Variants in TAB1 observed in about 807,000 individuals in gnomAD.
TAB1 encodes the protein TGF-beta activated kinase 1 (MAP3K7) binding protein 1.
TAB1 carries 30 observed loss-of-function variants against 54.5 expected under a neutral mutation model. The observed-to-expected ratio is 0.55, with a 90% CI of 0.41 to 0.75. The LOEUF (loss-of-function observed/expected upper bound fraction) is 0.75, where lower values mean the gene tolerates loss of function less well. TAB1 is among the 30% of genes least tolerant of loss of function. TAB1 has a pLI of 0.00. For missense variants in TAB1, 609 were observed against 683.2 expected (o/e 0.89, Z 1.21); for synonymous variants, 289 against 286.9 (o/e 1.01, Z -0.07).
downstream of TAB1, chr22:39,436,586 C>A (rs1196741484): frequency 6.3e-7 from 1 of 1,596,498 alleles, no homozygotes; most frequent in Non-Finnish European, 8.6e-7. Flanking sequence ...GAAGCGCCTA[C>A]ACCAAGGGGC....
chr22:39,425,605 A>G (rs1927290165), intron 8 of TAB1, among the ~76,000 whole-genome samples: 1 of 150,088 alleles, frequency 6.7e-6, no homozygotes, highest in South Asian at 2.1e-4. Context: ...CCCAGGCTGG[A>G]GTGCAGTGGC....
intron 8 of TAB1, among the ~76,000 whole-genome samples, chr22:39,423,766 A>G (rs539972153): frequency 1.3e-5 from 2 of 151,604 alleles, no homozygotes; most frequent in African/African-American, 2.4e-5. Context: ...AGTAGTGTAC[A>G]TTGTAAGTAA....
intron 3 of TAB1, 26 bp from the exon 4 acceptor site, chr22:39,416,765 C>T (rs545312200): frequency 6.2e-7 from 1 of 1,611,468 alleles, no homozygotes; most frequent in South Asian, 1.1e-5. Flanking sequence ...TTGAACCAGC[C>T]TTTGCCCTGT....
At chr22:39,426,329 G>A (rs780532662) in intron 8 of TAB1, among the ~76,000 whole-genome samples, 2 of 152,208 alleles carry the variant, frequency 1.3e-5, no homozygotes, top group Non-Finnish European at 2.9e-5. Context: ...CCTACAACAA[G>A]TTTGTTCCAG....
At chr22:39,423,532 G>A (rs1410381605) in intron 8 of TAB1, among the ~76,000 whole-genome samples, 1 of 152,190 alleles carries the variant, frequency 6.6e-6, no homozygotes, top group Admixed American at 6.5e-5. Context: ...TTGAACCCGG[G>A]AGGTGGAGGT....
chr22:39,403,254 A>G lies in TAB1; in HGVS notation c.33+3419A>G, dbSNP rs545036369. Among the ~76,000 whole-genome samples, 10 of 152,374 alleles carry G rather than the reference A, an allele frequency of 6.6e-5. No individual in the cohort carries two copies. In the South Asian group the frequency reaches 2.1e-3, roughly 32 times the overall value. On this transcript the variant is annotated intron_variant, in intron 1 of 10. Transcript: ENST00000216160. The stretch of plus-strand genomic sequence containing the variant: ...TCATCTGTGATTTTGTAATATCCAA[A>G]CTACAGCATCAGGTGGTGCTATGAG...
intron 6 of TAB1, 86 bp downstream of exon 6, chr22:39,418,931 T>A: frequency 9.1e-7 from 1 of 1,096,818 alleles, no homozygotes. Context: ...AGGCGTGTGG[T>A]AGAGGGGCTG....
At chr22:39,402,524 AC>A (rs1926192181) in intron 1 of TAB1, among the ~76,000 whole-genome samples, 1 of 152,128 alleles carries the variant, frequency 6.6e-6, no homozygotes. Flanking sequence ...GCACTGTGGT[AC>A]CTTGAAAGGT....
chr22:39,410,036 G>A (rs1280385492), intron 1 of TAB1, among the ~76,000 whole-genome samples: 1 of 152,172 alleles, frequency 6.6e-6, no homozygotes, highest in Non-Finnish European at 1.5e-5. Context: ...TGTTAAGAGA[G>A]GCATTAATTT....
At chr22:39,435,087 G>C (rs377337009), downstream of TAB1, among the ~76,000 whole-genome samples, 1 of 152,118 alleles carries the variant, frequency 6.6e-6, no homozygotes, top group Non-Finnish European at 1.5e-5. Context: ...CTGAGACTTC[G>C]CTGCAGGATA....
chr22:39,432,658 G>T, downstream of TAB1: 2 of 723,176 alleles, frequency 2.8e-6, no homozygotes, highest in South Asian at 6.3e-5. Context: ...GAGAGAGAGA[G>T]ACATGGTGAG....
At position 39,415,562 on chromosome 22, in the gene TAB1, A is replaced by G; in HGVS notation, c.233A>G (p.Asn78Ser). The G allele has an allele frequency of 1.2e-6, 2 of 1,614,168 alleles. No individual in the cohort carries two copies. Among genetic ancestry groups the G allele is most frequent in the East Asian group, 4.5e-5 (2 of 44,880 alleles). Residue 78 changes from asparagine (N) to serine (S), a missense_variant, in exon 3 of 11, where the codon AAC (asparagine) becomes AGC (serine). Physicochemically the swap from Asn to Ser is conservative, Grantham distance 46. Transcript: ENST00000216160. This position sits in a 1 kb window ranked among gnomAD's most constrained non-coding sequence, Gnocchi z 4.9. ...GGCTATGATGGCAACCGAGTGACCA[A>G]CTTCGTGGCCCAGCGGCTGTCCGCA... ...FNGYDGNRVT[N>S]FVAQRLSAEL... is the part of the protein sequence containing the mutation.
downstream of TAB1, chr22:39,432,769 G>A (rs540876818): frequency 2.6e-4 from 257 of 985,768 alleles, 1 homozygote; most frequent in African/African-American, 2.5e-3. Flanking sequence ...TGCCCTAAGC[G>A]TGTGGGGCCG....
intron 10 of TAB1, chr22:39,429,770 C>T (rs898529682): frequency 2.1e-6 from 2 of 971,818 alleles, no homozygotes; most frequent in African/African-American, 3.5e-5. Context: ...GCATGAGCCA[C>T]CGCGCCCAGC....
At chr22:39,416,253 G>C (rs1171224890) in intron 3 of TAB1, among the ~76,000 whole-genome samples, 2 of 152,220 alleles carry the variant, frequency 1.3e-5, no homozygotes, top group Non-Finnish European at 2.9e-5. Context: ...ATTCTCAGCA[G>C]ATCTCACACA....
In TAB1 at chr22:39,417,812, G is replaced by C. The variant is rs578167278; in HGVS notation, c.513G>C (p.Ala171=). 5 of 1,612,624 alleles carry C rather than the reference G, an allele frequency of 3.1e-6. No homozygotes were observed. The highest frequency in any genetic ancestry group is 1.7e-5 in the Admixed American group (1 of 59,828). The change falls in exon 5 of 11, where the codon GCG becomes GCC. Residue 171 remains alanine (A), a synonymous_variant. Coordinates refer to ENST00000216160, the MANE Select transcript of TAB1 (RefSeq NM_006116.3). The part of the protein sequence containing the change: ...EISGGAMAVV[A]VLLNNKLYVA... ...CGGGAGGGGCCATGGCCGTTGTGGC[G>C]GTCCTTCTCAACAACAAGCTCTACG...
chr22:39,429,477 T>C, intron 10 of TAB1: 2 of 627,412 alleles, frequency 3.2e-6, no homozygotes, highest in Non-Finnish European at 4.0e-6. Flanking sequence ...GAGTGTTCCA[T>C]TTTCTTTCCA....
chr22:39,434,156 G>A (rs1289180181), downstream of TAB1, among the ~76,000 whole-genome samples: 1 of 152,216 alleles, frequency 6.6e-6, no homozygotes, highest in African/African-American at 2.4e-5. Flanking sequence ...TGAACACATC[G>A]AGTGGCCATA....
At chr22:39,407,730 C>T (rs531206299) in intron 1 of TAB1, among the ~76,000 whole-genome samples, 2 of 152,230 alleles carry the variant, frequency 1.3e-5, no homozygotes, top group Admixed American at 1.3e-4. Context: ...CGTGATTCGC[C>T]GGTCTCGGCC....
Sources: allele counts gnomAD v4.1 joint callset (sites outside exome capture counted in the v4.1 genomes callset), GRCh38; gene constraint gnomAD v4.1.1; non-coding constraint Gnocchi (gnomAD v3.1); transcripts MANE v1.5; gene names NCBI Gene and HGNC (gene_info 2026-07-23, HGNC 2026-07-21).